Variants in ALK observed in about 807,000 individuals in gnomAD.
The protein encoded by ALK is ALK receptor tyrosine kinase.
A neutral mutation model predicts 163.1 loss-of-function variants in ALK; 74 were observed. The observed-to-expected ratio is 0.45, with a 90% confidence interval of 0.38 to 0.55. ALK has a LOEUF of 0.55. ALK is among the 20% of genes least tolerant of loss of function. The pLI, the probability that ALK is intolerant of heterozygous loss-of-function variation, is 0.00. For missense variants in ALK, 2,063 were observed against 2,105.3 expected, an observed-to-expected ratio of 0.98 and a Z score of 0.39; for synonymous variants, 960 against 843.2, an observed-to-expected ratio of 1.14 and a Z score of -2.40.
At chr2:29,373,504 C>G (rs1327110229) in intron 5 of ALK, among the ~76,000 whole-genome samples, 14 of 152,234 alleles carry the variant, frequency 9.2e-5, no homozygotes, top group Admixed American at 9.2e-4. Flanking sequence ...TCGGCACACT[C>G]ATTCTTTATT....
intron 4 of ALK, among the ~76,000 whole-genome samples, chr2:29,518,128 G>A (rs1558362893): frequency 6.6e-6 from 1 of 152,206 alleles, no homozygotes; most frequent in Non-Finnish European, 1.5e-5. Flanking sequence ...GCATGAGGCA[G>A]TCTCTCTGGC....
At chr2:29,414,685 G>A (rs1669823502) in intron 4 of ALK, among the ~76,000 whole-genome samples, 2 of 152,224 alleles carry the variant, frequency 1.3e-5, no homozygotes, top group Admixed American at 1.3e-4. Flanking sequence ...TTGTGTGTGA[G>A]TGGCACCACT....
chr2:29,844,863 AC>A (rs2148396934), intron 1 of ALK, among the ~76,000 whole-genome samples: 1 of 46,498 alleles, frequency 2.2e-5, no homozygotes, highest in African/African-American at 6.1e-5. Context: ...CCCCCTGCAC[AC>A]ACACACACAC....
At chr2:29,617,267 G>A (rs1248828045) in intron 3 of ALK, among the ~76,000 whole-genome samples, 1 of 152,198 alleles carries the variant, frequency 6.6e-6, no homozygotes, top group Non-Finnish European at 1.5e-5. Context: ...GGACACAGAA[G>A]CCTCTGCTCT....
intron 1 of ALK, among the ~76,000 whole-genome samples, chr2:29,871,343 T>G (rs7574859): frequency 0.14 from 21,771 of 152,210 alleles, 1,786 homozygotes; most frequent in Non-Finnish European, 0.17. Context: ...CACTGACCCC[T>G]GGAATCCTAC....
chr2:29,610,032 C>A (rs889693183), intron 3 of ALK, among the ~76,000 whole-genome samples: 2 of 152,188 alleles, frequency 1.3e-5, no homozygotes, highest in South Asian at 2.1e-4. Flanking sequence ...GTCCTTGACA[C>A]CTATTTTGAG....
chr2:29,596,082 A>G (rs1165429589), intron 3 of ALK, among the ~76,000 whole-genome samples: 1 of 152,150 alleles, frequency 6.6e-6, no homozygotes, highest in Non-Finnish European at 1.5e-5. Context: ...GCTGGTGCCT[A>G]CTCCACACTC....
rs145061595 is a variant in ALK at position 29,222,406 on chromosome 2, C to T, written c.3453G>A (p.Thr1151=). ...DPSPLQVAVK[T]LPEVCSEQDE... ...CCTGTTCAGAGCACACTTCAGGCAG[C>T]GTCTGGGCAGAGAAGGGGAGGGTGG... The change falls in exon 22 of 29, where the codon ACG becomes ACA. Residue 1151 remains threonine, a splice_region_variant and synonymous_variant. Coordinates refer to ENST00000389048, the MANE Select transcript of ALK (RefSeq NM_004304.5). 7.4e-5 allele frequency: 120 copies of T among 1,613,636 alleles called. 1 individual carries two copies. The highest frequency in any genetic ancestry group is 4.6e-4 in the South Asian group (42 of 91,056).
At chr2:29,846,474 AT>A (rs1665846874) in intron 1 of ALK, among the ~76,000 whole-genome samples, 1 of 152,200 alleles carries the variant, frequency 6.6e-6, no homozygotes, top group Admixed American at 6.5e-5. Context: ...CTTGTCTAGG[AT>A]GATCCTTGTC....
intron 3 of ALK, among the ~76,000 whole-genome samples, chr2:29,571,056 T>C (rs1013442289): frequency 2.6e-5 from 4 of 151,440 alleles, no homozygotes; most frequent in African/African-American, 9.7e-5. Flanking sequence ...TAAAGAAACA[T>C]AGGAAGAGCC....
At chr2:29,424,296 C>T in intron 4 of ALK, among the ~76,000 whole-genome samples, 1 of 152,104 alleles carries the variant, frequency 6.6e-6, no homozygotes, top group Admixed American at 6.6e-5. Context: ...GATGACCAAC[C>T]TAAAAATAGC....
intron 1 of ALK, among the ~76,000 whole-genome samples, chr2:29,767,282 T>C (rs1158579191): frequency 6.6e-6 from 1 of 152,334 alleles, no homozygotes; most frequent in East Asian, 1.9e-4. Flanking sequence ...ACCTTCCTAA[T>C]GTTTACTGCA....
chr2:29,484,490 G>A (rs531231735), intron 4 of ALK, among the ~76,000 whole-genome samples: 1 of 152,282 alleles, frequency 6.6e-6, no homozygotes, highest in South Asian at 2.1e-4. Flanking sequence ...CAAGCTTTAA[G>A]TATAGACTGA....
chr2:29,551,270 T>C (rs1036921362), intron 3 of ALK, among the ~76,000 whole-genome samples: 3 of 152,184 alleles, frequency 2.0e-5, no homozygotes, highest in Admixed American at 6.5e-5. Context: ...AGATTAGTTA[T>C]GTAAAGTATG....
chr2:29,615,783 G>A (rs544556465), intron 3 of ALK, among the ~76,000 whole-genome samples: 2 of 152,342 alleles, frequency 1.3e-5, no homozygotes, highest in South Asian at 4.1e-4. Context: ...ATTCTCTGCA[G>A]TTTTAATGTG....
chr2:29,726,972 G>A (rs1679593096), intron 1 of ALK, among the ~76,000 whole-genome samples: 1 of 152,232 alleles, frequency 6.6e-6, no homozygotes, highest in Non-Finnish European at 1.5e-5. Flanking sequence ...CCTTGCAGGT[G>A]ATGATTCTCC....
At chr2:29,620,551 C>T (rs1025608415) in intron 3 of ALK, among the ~76,000 whole-genome samples, 7 of 151,892 alleles carry the variant, frequency 4.6e-5, no homozygotes, top group Non-Finnish European at 8.8e-5. Context: ...GCTGAAGATG[C>T]GAACACGGAG....
chr2:29,239,403 A>AG (rs1053185313), intron 13 of ALK, among the ~76,000 whole-genome samples: 12 of 151,958 alleles, frequency 7.9e-5, no homozygotes, highest in South Asian at 2.1e-4. Flanking sequence ...CAGGTGAGGG[A>AG]GGGGGGGAGC....
intron 5 of ALK, among the ~76,000 whole-genome samples, chr2:29,331,573 A>G (rs1273474384): frequency 6.6e-6 from 1 of 152,194 alleles, no homozygotes; most frequent in African/African-American, 2.4e-5. Flanking sequence ...CCTATCATTC[A>G]TGTCCTCTTG....
Sources: allele counts gnomAD v4.1 joint callset (sites outside exome capture counted in the v4.1 genomes callset), GRCh38; gene constraint gnomAD v4.1.1; transcripts MANE v1.5; gene names NCBI Gene and HGNC (gene_info 2026-07-23, HGNC 2026-07-21).